XPR1: variants seen among roughly 807,000 people sequenced by gnomAD.
XPR1 encodes xenotropic and polytropic retrovirus receptor 1, also known as solute carrier family 53 member 1.
A neutral mutation model predicts 87.5 loss-of-function variants in XPR1; 28 were observed. The observed-to-expected ratio is 0.32, with a 90% CI of 0.24 to 0.44. XPR1 has a LOEUF of 0.44. XPR1 is among the 20% of genes least tolerant of loss of function. The probability of loss-of-function intolerance (pLI) is 1.00; values close to 1 mark genes in which losing one functional copy is unlikely to be tolerated. For synonymous variants in XPR1, 300 were observed against 306.1 expected (o/e 0.98, Z 0.21); for missense variants, 559 against 862.3 (o/e 0.65, Z 4.41).
intron 1 of XPR1, among the ~76,000 whole-genome samples, chr1:180,660,045 C>T (rs891095951): frequency 3.3e-5 from 5 of 152,082 alleles, no homozygotes; most frequent in Non-Finnish European, 5.9e-5. Flanking sequence ...AATCTTCTTA[C>T]TTGTTATTGG....
chr1:180,672,660 T>G (rs1557949771), intron 1 of XPR1, among the ~76,000 whole-genome samples: 1 of 152,142 alleles, frequency 6.6e-6, no homozygotes, highest in Non-Finnish European at 1.5e-5. Flanking sequence ...TTGTACATTA[T>G]TCACCCAATA....
rs755229854 is a variant in XPR1 at position 180,762,246 on chromosome 1, A to T, written c.122-25507A>T. Among the ~76,000 whole-genome samples the T allele has an allele frequency of 2.0e-5, 3 of 152,122 alleles. No homozygotes were observed. The East Asian group carries it at 5.8e-4, about 29-fold the overall frequency. ...TGTAACAAACCTGCACATTGGGCACATGTACCCTAAAACTTAAAGTATAAT... is the reference window on the plus strand; with the variant it reads ...TGTAACAAACCTGCACATTGGGCACTTGTACCCTAAAACTTAAAGTATAAT... On this transcript the variant is annotated intron_variant, in intron 2 of 14. Transcript: ENST00000367590.
intron 3 of XPR1, among the ~76,000 whole-genome samples, chr1:180,791,524 A>G (rs986040190): frequency 6.6e-6 from 1 of 151,698 alleles, no homozygotes; most frequent in Non-Finnish European, 1.5e-5. Context: ...TGATTCACCC[A>G]CCTTGGTCTC....
intron 2 of XPR1, among the ~76,000 whole-genome samples, chr1:180,697,005 T>G (rs906942280): frequency 2.6e-5 from 4 of 152,152 alleles, no homozygotes; most frequent in Non-Finnish European, 4.4e-5. Flanking sequence ...TAGAATGAGT[T>G]AGGAAGAGTT....
At chr1:180,656,475 C>T (rs2877483) in intron 1 of XPR1, among the ~76,000 whole-genome samples, 1,416 of 4,668 alleles carry the variant, frequency 0.3, 466 homozygotes, top group Middle Eastern at 0.33. Flanking sequence ...AATATTTATA[C>T]ATTATATATA....
chr1:180,694,283 A>T (rs1382655493), intron 2 of XPR1, among the ~76,000 whole-genome samples: 3 of 152,134 alleles, frequency 2.0e-5, no homozygotes, highest in African/African-American at 4.8e-5. Context: ...TTTTACATTT[A>T]AAAAAATATT....
intron 2 of XPR1, among the ~76,000 whole-genome samples, chr1:180,740,391 C>T (rs1658874908): frequency 6.6e-6 from 1 of 151,614 alleles, no homozygotes; most frequent in Non-Finnish European, 1.5e-5. Context: ...GGAGTTTTGT[C>T]ACATGCTTTT....
At chr1:180,642,411 C>T (rs1486697500) in intron 1 of XPR1, among the ~76,000 whole-genome samples, 1 of 151,670 alleles carries the variant, frequency 6.6e-6, no homozygotes, top group African/African-American at 2.4e-5. Flanking sequence ...CATGACTGTC[C>T]CCTTTCTTTT....
intron 1 of XPR1, among the ~76,000 whole-genome samples, chr1:180,664,336 G>T (rs1167810140): frequency 4.6e-5 from 7 of 152,126 alleles, no homozygotes; most frequent in African/African-American, 1.7e-4. Context: ...GGGCCCAAGG[G>T]TTCTGTGTTC....
At chr1:180,717,778 G>C (rs1318541837) in intron 2 of XPR1, among the ~76,000 whole-genome samples, 1 of 152,086 alleles carries the variant, frequency 6.6e-6, no homozygotes, top group Non-Finnish European at 1.5e-5. Flanking sequence ...AATTGGCCAT[G>C]ATAGGAGTAT....
At chr1:180,836,356 CAA>C (rs67209110) in intron 10 of XPR1, among the ~76,000 whole-genome samples, 164 bp from the exon 11 acceptor site, 4 of 140,930 alleles carry the variant, frequency 2.8e-5, no homozygotes, top group African/African-American at 5.2e-5. Context: ...GACTCAGTCT[CAA>C]AAAAAAAAAA....
rs749643002 is a variant in XPR1, at chr1:180,884,201, G to A, written c.*135G>A. 1.0e-5 allele frequency: 6 copies of A among 601,198 alleles called. 1 individual carries two copies. The highest frequency in any genetic ancestry group is 8.2e-5 in the South Asian group (3 of 36,590). The allele number at this position is 601,198 out of a possible 1,614,324, so 37.2% of individuals were successfully genotyped here. ...CACATTTTCCGAGCTCTTCCGGATC[G>A]GATCCTATGGACTCCAAACAAGCTC... On this transcript the variant is annotated 3_prime_UTR_variant, in exon 15 of 15. Coordinates refer to ENST00000367590, the MANE Select transcript of XPR1 (RefSeq NM_004736.4).
intron 2 of XPR1, among the ~76,000 whole-genome samples, chr1:180,722,385 C>T (rs1041979249): frequency 2.6e-5 from 4 of 152,104 alleles, no homozygotes; most frequent in South Asian, 2.1e-4. Flanking sequence ...TGAGCCACCG[C>T]GCCCGGCCCT....
intron 2 of XPR1, among the ~76,000 whole-genome samples, chr1:180,774,229 A>T (rs1404656384): frequency 6.6e-6 from 1 of 152,048 alleles, no homozygotes; most frequent in Non-Finnish European, 1.5e-5. Flanking sequence ...AATTTTCTTT[A>T]TTTGGTTATG....
chr1:180,835,180 G>A (rs1651235561), intron 10 of XPR1, 135 bp downstream of exon 10: 1 of 993,048 alleles, frequency 1.0e-6, no homozygotes, highest in Non-Finnish European at 1.4e-6. Context: ...AATGTACTTG[G>A]CATTCTGTTA....
At chr1:180,742,583 A>T (rs545078877) in intron 2 of XPR1, among the ~76,000 whole-genome samples, 1 of 152,224 alleles carries the variant, frequency 6.6e-6, no homozygotes, top group South Asian at 2.1e-4. Flanking sequence ...GTGCATTTTG[A>T]AAAGGATAAG....
chr1:180,633,020 A>G (rs1240122728), intron 1 of XPR1, among the ~76,000 whole-genome samples: 1 of 152,212 alleles, frequency 6.6e-6, no homozygotes, highest in Non-Finnish European at 1.5e-5. Context: ...AGAATTATTA[A>G]CATTTTTTTA....
At chr1:180,860,052 A>G (rs1381162544) in intron 11 of XPR1, among the ~76,000 whole-genome samples, 1 of 152,096 alleles carries the variant, frequency 6.6e-6, no homozygotes, top group Non-Finnish European at 1.5e-5. Flanking sequence ...TTGGCCAAAT[A>G]TTTTACCAAA....
chr1:180,853,610 T>C (rs1651936479), intron 11 of XPR1, among the ~76,000 whole-genome samples: 1 of 145,138 alleles, frequency 6.9e-6, no homozygotes, highest in Non-Finnish European at 1.5e-5. Flanking sequence ...TTTGGGTATT[T>C]TGTTATTAGA....
Sources: gnomAD v4.1 joint callset for allele counts (sites outside exome capture counted in the v4.1 genomes callset) on GRCh38, gnomAD v4.1.1 for gene constraint, MANE v1.5 for transcripts, NCBI Gene and HGNC (gene_info 2026-07-23, HGNC 2026-07-21) for gene names.